CLEC16A: variants seen among roughly 807,000 people sequenced by gnomAD.
CLEC16A encodes protein CLEC16A.
Under a neutral mutation model 109.5 loss-of-function variants are expected in CLEC16A, and 51 were observed. The ratio of observed to expected loss-of-function variants is 0.47; its 90% CI spans 0.37 to 0.59. CLEC16A has a LOEUF of 0.59. CLEC16A is among the 20% of genes least tolerant of loss of function. The pLI, the probability that CLEC16A is intolerant of heterozygous loss-of-function variation, is 0.00. For synonymous variants in CLEC16A, 673 were observed against 564.2 expected (o/e 1.19, Z -2.73); for missense variants, 1,339 against 1,394.0 (o/e 0.96, Z 0.63).
intron 19 of CLEC16A, among the ~76,000 whole-genome samples, chr16:11,095,645 C>G (rs975277616): frequency 6.6e-6 from 1 of 152,064 alleles, no homozygotes; most frequent in African/African-American, 2.4e-5. Context: ...AACCCCATCT[C>G]TACTAAAAAT....
chr16:11,005,335 A>C (rs1156905828), intron 11 of CLEC16A, among the ~76,000 whole-genome samples: 1 of 152,168 alleles, frequency 6.6e-6, no homozygotes, highest in African/African-American at 2.4e-5. Flanking sequence ...GGCAGGGTAC[A>C]AGGGAACGAA....
intron 11 of CLEC16A, among the ~76,000 whole-genome samples, chr16:11,013,016 G>A (rs1045740459): frequency 1.3e-5 from 2 of 152,192 alleles, no homozygotes; most frequent in African/African-American, 2.4e-5. Flanking sequence ...AAACTCACAC[G>A]CCCCCACACT....
intron 9 of CLEC16A, among the ~76,000 whole-genome samples, chr16:10,981,450 C>G (rs1180244797): frequency 1.3e-5 from 2 of 152,224 alleles, no homozygotes; most frequent in South Asian, 2.1e-4. Flanking sequence ...TTAAAAGATG[C>G]AATTTTTTAT....
intron 11 of CLEC16A, among the ~76,000 whole-genome samples, chr16:11,014,871 G>A (rs117321822): frequency 2.8e-4 from 43 of 152,332 alleles, no homozygotes; most frequent in Non-Finnish European, 5.3e-4. Context: ...CCAACTTCAG[G>A]TGTAGCACTA....
At position 11,060,849 on chromosome 16, in the gene CLEC16A, C is replaced by T; in HGVS notation, c.1996-53C>T. On this transcript the variant is annotated intron_variant, in intron 18 of 23. Coordinates refer to ENST00000409790, the MANE Select transcript of CLEC16A (RefSeq NM_015226.3). ...TCATTTCTGGGTGTGGGGCATCTCA[C>T]TGAAATGACTCTGCAATCTCACTCT... 5 of 1,486,530 alleles carry T rather than the reference C, an allele frequency of 3.4e-6. No individual in the cohort carries two copies. The African/African-American group carries it at 7.0e-5, about 21-fold the overall frequency. 92.1% of individuals were successfully genotyped at this position (1,486,530 alleles called of 1,614,324 possible). A position where few individuals can be genotyped will look rare whatever the true frequency, so the allele number is the denominator to read the frequency against.
intron 15 of CLEC16A, among the ~76,000 whole-genome samples, chr16:11,043,670 G>A (rs2047471752): frequency 6.6e-6 from 1 of 151,966 alleles, no homozygotes; most frequent in Non-Finnish European, 1.5e-5. Flanking sequence ...TTCGAGACCA[G>A]CCTGGCCAAC....
chr16:10,964,359 C>G (rs1348592594), intron 3 of CLEC16A, among the ~76,000 whole-genome samples: 1 of 152,250 alleles, frequency 6.6e-6, no homozygotes. Context: ...GGGGAAGATC[C>G]AGCTCAGTGG....
chr16:11,177,500 T>C (rs2141046893), intron 23 of CLEC16A, among the ~76,000 whole-genome samples: 1 of 151,176 alleles, frequency 6.6e-6, no homozygotes, highest in Middle Eastern at 3.4e-3. Flanking sequence ...CTCGGGAGGC[T>C]GAGGCACGAG....
chr16:11,163,861 C>G (rs751780889), intron 22 of CLEC16A, among the ~76,000 whole-genome samples: 5 of 152,162 alleles, frequency 3.3e-5, no homozygotes, highest in Non-Finnish European at 7.4e-5. Flanking sequence ...AAATAGGCAG[C>G]TCGGGAAAAG....
intron 3 of CLEC16A, 53 bp from the exon 4 acceptor site, chr16:10,969,108 G>C (rs1023122176): frequency 4.0e-6 from 6 of 1,499,050 alleles, no homozygotes; most frequent in African/African-American, 2.8e-5. Flanking sequence ...TTGTTACCTG[G>C]CTTATCTTTC....
At chr16:11,125,904 T>TGGGGGGGGGGGGGGGGGGGGGGG in intron 21 of CLEC16A, 75 bp from the exon 22 acceptor site, 1 of 182,596 alleles carries the variant, frequency 5.5e-6, no homozygotes. Flanking sequence ...CACTACGATG[T>TGGGGGGGGGGGGGGGGGGGGGGG]CCCCCCCCCC....
chr16:10,986,547 C>G (rs930634949), intron 10 of CLEC16A, among the ~76,000 whole-genome samples: 3 of 152,176 alleles, frequency 2.0e-5, no homozygotes, highest in Non-Finnish European at 4.4e-5. Flanking sequence ...GACAACAACT[C>G]TCCATCCCCC....
At chr16:11,111,460 T>C (rs945734038) in intron 19 of CLEC16A, among the ~76,000 whole-genome samples, 3 of 152,156 alleles carry the variant, frequency 2.0e-5, no homozygotes, top group African/African-American at 4.8e-5. Context: ...ATCACTTCCA[T>C]TGGTACTCTT....
At position 11,042,215 on chromosome 16, in the gene CLEC16A, AC is replaced by A. The variant is rs558757417; in HGVS notation, c.1661-36del. On this transcript the variant is annotated intron_variant, in intron 14 of 23. Transcript: ENST00000409790. ...GCAGTCTTGGGTTTAAGGGCGCCCC[AC>A]CCTGGGTGTGCAAGGCTTACCCTGG... 6.7e-5 allele frequency: 100 copies of A among 1,496,348 alleles called. No homozygotes were observed. In the East Asian group the frequency reaches 2.1e-3, roughly 32 times the overall value. The allele number at this position is 1,496,348 out of a possible 1,614,324, so 92.7% of individuals were successfully genotyped here.
At chr16:11,121,330 C>T (rs1802176273) in intron 20 of CLEC16A, among the ~76,000 whole-genome samples, 1 of 152,162 alleles carries the variant, frequency 6.6e-6, no homozygotes, top group Non-Finnish European at 1.5e-5. Flanking sequence ...ACGGTGCTGC[C>T]ATGAACAGAA....
At position 11,024,803 on chromosome 16, in the gene CLEC16A, G is replaced by A. The variant is rs753635777; in HGVS notation, c.1437-18G>A. The A allele has an allele frequency of 2.0e-5, 31 of 1,569,282 alleles. No individual in the cohort carries two copies. The highest frequency in any genetic ancestry group is 2.5e-5 in the Non-Finnish European group (29 of 1,153,886). Reference sequence around the variant, plus strand: ...CTTGTGCACCGTGAGGCTCATACATGCCCCTCCTCTTTTCCAGACCCTTCC... The same window carrying A: ...CTTGTGCACCGTGAGGCTCATACATACCCCTCCTCTTTTCCAGACCCTTCC... On this transcript the variant is annotated intron_variant, in intron 12 of 23. Transcript: ENST00000409790.
chr16:11,117,034 C>T (rs763993282), intron 19 of CLEC16A, among the ~76,000 whole-genome samples: 2 of 152,144 alleles, frequency 1.3e-5, no homozygotes, highest in Non-Finnish European at 2.9e-5. Context: ...TCCTTTGAAG[C>T]AACATGGATG....
chr16:10,944,596 C>A lies in CLEC16A; in HGVS notation c.-122C>A. On this transcript the variant is annotated 5_prime_UTR_variant, in exon 1 of 24. Transcript: ENST00000409790. ...GGCTGTGGGCCGGGGAGGAAGGCGG[C>A]TCGCGGTTCCTCCACCGCCTCCGCC... 1.1e-6 allele frequency: 1 copy of A among 944,048 alleles called. No individual in the cohort carries two copies. The highest frequency in any genetic ancestry group is 1.6e-5 in the South Asian group (1 of 62,500). The allele number at this position is 944,048 out of a possible 1,614,324, so 58.5% of individuals were successfully genotyped here.
rs535935495 is a variant in CLEC16A, at chr16:11,042,993, A to G, written c.1770+630A>G. 3.3e-5 allele frequency among the ~76,000 whole-genome samples: 5 copies of G among 151,782 alleles called. No homozygotes were observed. The South Asian group carries it at 8.3e-4, about 25-fold the overall frequency. The stretch of plus-strand genomic sequence containing the variant: ...ACATATGTAATATGTAAATATGTAC[A>G]TGTGAATATATGTAAATGAAACATC... On this transcript the variant is annotated intron_variant, in intron 15 of 23. Transcript: ENST00000409790.
Sources: gnomAD v4.1 joint callset for allele counts (sites outside exome capture counted in the v4.1 genomes callset) on GRCh38, gnomAD v4.1.1 for gene constraint, MANE v1.5 for transcripts, NCBI Gene and HGNC (gene_info 2026-07-23, HGNC 2026-07-21) for gene names.